Variants in MYO7A observed in about 807,000 individuals in gnomAD.
The protein encoded by MYO7A is unconventional myosin-VIIa.
Under a neutral mutation model 263.8 loss-of-function variants are expected in MYO7A, and 210 were observed. The observed-to-expected ratio is 0.80, with a 90% CI of 0.71 to 0.89. MYO7A has a LOEUF of 0.89. Among genes scored for constraint, MYO7A ranks in the 40% least tolerant of loss-of-function variants. The pLI is 0.00. For synonymous variants in MYO7A, 1,239 were observed against 1,197.3 expected (o/e 1.03, Z -0.72); for missense variants, 2,820 against 2,968.3 (o/e 0.95, Z 1.16).
rs144691798 is a variant in MYO7A at position 77,157,235 on chromosome 11, T to C, written c.736-44T>C. The C allele has an allele frequency of 1.9e-4, 288 of 1,503,164 alleles. No individual in the cohort carries two copies. The African/African-American group carries it at 2.2e-3, about 11-fold the overall frequency. The allele number at this position is 1,503,164 out of a possible 1,614,324, so 93.1% of individuals were successfully genotyped here. ...CAGGCTAGTTCCTGATGGCCTCCTC[T>C]GGCCCTCCTCCCCTGGCCCCCAGCA... On this transcript the variant is annotated intron_variant, in intron 7 of 48. Coordinates refer to ENST00000409709, the MANE Select transcript of MYO7A (RefSeq NM_000260.4).
rs532853534 is a variant in MYO7A, at chr11:77,140,548, C to T, written c.19-2161C>T. On this transcript the variant is annotated intron_variant, in intron 2 of 48. Transcript: ENST00000409709. ...ACGCTCCCCACCCCTTCTCTCTCAC[C>T]GAGGCCCGCTCTGGGCTGGGCTCTG... Among the ~76,000 whole-genome samples, 24 of 152,342 alleles carry T rather than the reference C, an allele frequency of 1.6e-4. No individual in the cohort carries two copies. The East Asian group carries it at 2.5e-3, about 16-fold the overall frequency.
intron 32 of MYO7A, among the ~76,000 whole-genome samples, chr11:77,196,707 C>G (rs1956691422): frequency 7.3e-6 from 1 of 136,326 alleles, no homozygotes; most frequent in African/African-American, 2.9e-5. Context: ...TCTCACCGCT[C>G]TCAGGATGGC....
At chr11:77,178,041 T>C (rs113963825) in intron 19 of MYO7A, among the ~76,000 whole-genome samples, 2,483 of 151,874 alleles carry the variant, frequency 0.016, 63 homozygotes, top group African/African-American at 0.057. Flanking sequence ...CACGTGACAA[T>C]TCACAAATGT....
intron 39 of MYO7A, 65 bp downstream of exon 39, chr11:77,204,294 C>A: frequency 6.5e-7 from 1 of 1,529,740 alleles, no homozygotes; most frequent in Non-Finnish European, 8.8e-7. Flanking sequence ...AGCTCTTACC[C>A]TCCTGAGGCA....
At chr11:77,211,404 A>T in intron 45 of MYO7A, 67 bp downstream of exon 45, 1 of 1,481,030 alleles carries the variant, frequency 6.8e-7, no homozygotes, top group Admixed American at 2.0e-5. Flanking sequence ...CCAGGGGCCA[A>T]GGGGGCAGAC....
At chr11:77,214,365 C>T (rs886422525) in intron 48 of MYO7A, among the ~76,000 whole-genome samples, 4 of 152,164 alleles carry the variant, frequency 2.6e-5, no homozygotes, top group East Asian at 1.9e-4. Flanking sequence ...GGGAGGGATC[C>T]GTGACTTGAG....
At position 77,164,423 on chromosome 11, in the gene MYO7A, T is replaced by A. The variant is rs190399996; in HGVS notation, c.1690+1435T>A. On this transcript the variant is annotated intron_variant, in intron 14 of 48. Coordinates refer to ENST00000409709, the MANE Select transcript of MYO7A (RefSeq NM_000260.4). ...AAAAAATTAAAAATTAATTTTTTTTTAAAAAAGGCCAAAGATATCCAAACA... is the reference window on the plus strand; with the variant it reads ...AAAAAATTAAAAATTAATTTTTTTTAAAAAAAGGCCAAAGATATCCAAACA... Among the ~76,000 whole-genome samples the A allele has an allele frequency of 1.9e-3, 285 of 152,232 alleles. 2 individuals carry two copies. Among genetic ancestry groups the A allele is most frequent in the East Asian group, 8.3e-3 (43 of 5,184 alleles).
chr11:77,199,529 C>T lies in MYO7A; in HGVS notation c.4569-6C>T, dbSNP rs1565459428. On this transcript the variant is annotated splice_region_variant and splice_polypyrimidine_tract_variant and intron_variant, in intron 34 of 48. Coordinates refer to ENST00000409709, the MANE Select transcript of MYO7A (RefSeq NM_000260.4). ...GACTGACTCAACTGGCCTTGATCTC[C>T]TTCAGGGAGTGCCGTGTCTGGCTCT... is the stretch of plus-strand genomic sequence containing the variant. 1 of 1,486,114 alleles carries T rather than the reference C, an allele frequency of 6.7e-7. No individual in the cohort carries two copies. Among genetic ancestry groups the T allele is most frequent in the Non-Finnish European group, 9.0e-7 (1 of 1,110,974 alleles). 92.1% of individuals were successfully genotyped at this position (1,486,114 alleles called of 1,614,324 possible).
At chr11:77,198,160 T>A (rs1956803028) in intron 33 of MYO7A, among the ~76,000 whole-genome samples, 2 of 152,198 alleles carry the variant, frequency 1.3e-5, no homozygotes, top group African/African-American at 4.8e-5. Context: ...CTGATGCTGC[T>A]GTTCACAGAA....
intron 20 of MYO7A, among the ~76,000 whole-genome samples, chr11:77,179,511 TGGG>T (rs1225389872): frequency 6.6e-6 from 1 of 152,170 alleles, no homozygotes; most frequent in Non-Finnish European, 1.5e-5. Context: ...AGGATTCTCT[TGGG>T]GGCCCCAACT....
Position 77,166,039 on chromosome 11 carries a change from C to T in MYO7A, c.1691-17C>T. On this transcript the variant is annotated splice_polypyrimidine_tract_variant and intron_variant, in intron 14 of 48. Coordinates refer to ENST00000409709, the MANE Select transcript of MYO7A (RefSeq NM_000260.4). ...TGCCAGAGCTGGTGAGAGGTGACTGCTGTTTGCTGCTTGCAGGCTTCCTGG... is the reference window on the plus strand; with the variant it reads ...TGCCAGAGCTGGTGAGAGGTGACTGTTGTTTGCTGCTTGCAGGCTTCCTGG... 1.9e-6 allele frequency: 3 copies of T among 1,601,786 alleles called. No individual in the cohort carries two copies. Among genetic ancestry groups the T allele is most frequent in the Non-Finnish European group, 1.7e-6 (2 of 1,169,792 alleles).
Position 77,181,528 on chromosome 11 carries a change from G to C in MYO7A, c.2843G>C (p.Gly948Ala), listed in dbSNP as rs1955182994. The C allele has an allele frequency of 6.2e-7, 1 of 1,613,498 alleles. No individual in the cohort carries two copies. The highest frequency in any genetic ancestry group is 8.5e-7 in the Non-Finnish European group (1 of 1,179,884). ...NHSDMVDKMF[G>A]FLGTSGGLPG... ...TCAGACATGGTGGACAAGATGTTTG[G>C]CTTCCTGGGGACTTCAGGTGGCCTG... is the stretch of plus-strand genomic sequence containing the variant. Residue 948 changes from glycine to alanine, a missense_variant, in exon 23 of 49, where the codon GGC becomes GCC. Coordinates refer to ENST00000409709, the MANE Select transcript of MYO7A (RefSeq NM_000260.4).
intron 32 of MYO7A, among the ~76,000 whole-genome samples, chr11:77,196,379 A>AC (rs1424058314): frequency 1.3e-5 from 2 of 151,836 alleles, no homozygotes. Context: ...AAAAAAAAAA[A>AC]AGGAGCTTAT....
intron 41 of MYO7A, among the ~76,000 whole-genome samples, chr11:77,206,748 A>C (rs1300702199): frequency 6.6e-6 from 1 of 152,144 alleles, no homozygotes; most frequent in Non-Finnish European, 1.5e-5. Flanking sequence ...TCATTCAGAT[A>C]AGCTTTTCAT....
At chr11:77,176,936 G>T (rs1392933642) in intron 18 of MYO7A, among the ~76,000 whole-genome samples, 1 of 152,148 alleles carries the variant, frequency 6.6e-6, no homozygotes, top group Non-Finnish European at 1.5e-5. Flanking sequence ...TGAGGGTTGG[G>T]GTCTTGGATG....
rs1555070054 is a variant in MYO7A, at chr11:77,162,869, T to C, written c.1571T>C (p.Met524Thr). ...SKFPKGTDTT[M>T]LHKLNSQHKL... ...ACTCCCCAGGGCACAGACACCACCA[T>C]GTTACACAAGCTGAACTCCCAGCAC... Residue 524 changes from methionine to threonine, a missense_variant, in exon 14 of 49, where the codon ATG becomes ACG. Met to Thr is a moderately conservative substitution (Grantham distance 81, BLOSUM62 -1). Coordinates refer to ENST00000409709, the MANE Select transcript of MYO7A (RefSeq NM_000260.4). 1.2e-6 allele frequency: 2 copies of C among 1,613,632 alleles called. No homozygotes were observed. Among genetic ancestry groups the C allele is most frequent in the South Asian group, 1.1e-5 (1 of 91,060 alleles).
chr11:77,191,477 C>G (rs993078554), intron 30 of MYO7A, among the ~76,000 whole-genome samples: 1 of 152,178 alleles, frequency 6.6e-6, no homozygotes, highest in African/African-American at 2.4e-5. Context: ...GCTGCGCAGC[C>G]CTTGTGTGCA....
chr11:77,212,284 T>G, intron 46 of MYO7A: 1 of 431,318 alleles, frequency 2.3e-6, no homozygotes, highest in Admixed American at 2.6e-5. Context: ...AGGTGATATC[T>G]GAGCTTTCCA....
intron 44 of MYO7A, chr11:77,209,056 C>G: frequency 1.9e-6 from 1 of 526,688 alleles, no homozygotes; most frequent in Non-Finnish European, 3.4e-6. Flanking sequence ...TCAGGCCCCT[C>G]CTTCAGTGCG....
Sources: allele counts gnomAD v4.1 joint callset (sites outside exome capture counted in the v4.1 genomes callset), GRCh38; gene constraint gnomAD v4.1.1; transcripts MANE v1.5; gene names NCBI Gene and HGNC (gene_info 2026-07-23, HGNC 2026-07-21).